Variants in PDIA4 observed in about 807,000 individuals in gnomAD.
The protein encoded by PDIA4 is protein disulfide isomerase family A member 4, also known as protein disulfide-isomerase A4.
A neutral mutation model predicts 62.1 loss-of-function variants in PDIA4; 33 were observed. The ratio of observed to expected loss-of-function variants is 0.53; its 90% CI spans 0.40 to 0.71. The LOEUF (loss-of-function observed/expected upper bound fraction) is 0.71, where lower values mean the gene tolerates loss of function less well. Among genes scored for constraint, PDIA4 ranks in the 30% least tolerant of loss-of-function variants. The probability of loss-of-function intolerance (pLI) is 0.00; values close to 1 mark genes in which losing one functional copy is unlikely to be tolerated. For missense variants in PDIA4, 804 were observed against 813.6 expected (o/e 0.99, Z 0.14); for synonymous variants, 341 against 324.1 (o/e 1.05, Z -0.56).
intron 6 of PDIA4, among the ~76,000 whole-genome samples, chr7:149,011,253 G>C (rs938213277): frequency 2.6e-5 from 4 of 152,284 alleles, no homozygotes; most frequent in Middle Eastern, 3.4e-3. Context: ...TCAGGAGCCA[G>C]ACCAAGGCAG....
At chr7:149,008,711 A>G (rs1384524604) in intron 6 of PDIA4, among the ~76,000 whole-genome samples, 1 of 137,830 alleles carries the variant, frequency 7.3e-6, no homozygotes, top group African/African-American at 3.4e-5. Flanking sequence ...ACTGTCTTTA[A>G]AAAGAAAAAA....
chr7:149,007,702 C>T (rs575026529), intron 7 of PDIA4, among the ~76,000 whole-genome samples: 13 of 152,364 alleles, frequency 8.5e-5, no homozygotes, highest in African/African-American at 2.9e-4. Flanking sequence ...AATCCACCCA[C>T]CAAGGTCAAC....
intron 1 of PDIA4, chr7:149,027,832 T>C (rs1046685658): frequency 1.5e-5 from 7 of 471,840 alleles, no homozygotes; most frequent in African/African-American, 1.0e-4. Flanking sequence ...GGATTAATCA[T>C]TTCCAAATCT....
At chr7:149,010,847 A>AT (rs1225374847) in intron 6 of PDIA4, among the ~76,000 whole-genome samples, 8 of 152,206 alleles carry the variant, frequency 5.3e-5, no homozygotes, top group East Asian at 1.9e-4. Flanking sequence ...TGGAACCTGC[A>AT]TTTTAACAAA....
chr7:149,027,338 T>C (rs1262512065), intron 1 of PDIA4, among the ~76,000 whole-genome samples: 2 of 152,214 alleles, frequency 1.3e-5, no homozygotes, highest in South Asian at 2.1e-4. Context: ...CCTTTTCTAT[T>C]TGGGCAAAGA....
intron 7 of PDIA4, 121 bp downstream of exon 7, chr7:149,008,038 G>A: frequency 3.3e-6 from 3 of 913,954 alleles, no homozygotes; most frequent in Non-Finnish European, 3.2e-6. Context: ...GCTGGAAAAG[G>A]AGTTCCAGAC....
chr7:149,004,173 G>A lies in PDIA4; in HGVS notation c.1559C>T (p.Pro520Leu). Reference sequence around the variant, plus strand: ...CTTGACGGGTCCCTTGTTGTTCTTGGGCACTGGCTGGGATTTGATGACTGG... The same window carrying A: ...CTTGACGGGTCCCTTGTTGTTCTTGAGCACTGGCTGGGATTTGATGACTGG... ...LKPVIKSQPV[P>L]KNNKGPVKVV... The change falls in exon 10 of 10, where the codon CCC becomes CTC. Residue 520 changes from proline (P) to leucine (L), a missense_variant. Coordinates refer to ENST00000652332, the MANE Select transcript of PDIA4 (RefSeq NM_004911.5). The A allele has an allele frequency of 6.2e-7, 1 of 1,613,710 alleles. No homozygotes were observed.
At position 149,005,270 on chromosome 7, in the gene PDIA4, G is replaced by C; in HGVS notation, c.1393C>G (p.Leu465Val). ...TCCTCCCCACTCTCGCTGAGCCCCA[G>C]GTCCTTCACCTCCCCAGCATAGTCC... ...EEDYAGEVKD[L>V]GLSESGEDVN... The change falls in exon 9 of 10, where the codon CTG becomes GTG. Residue 465 changes from leucine (L) to valine (V), a missense_variant. By Grantham distance (32) the Leu-to-Val change is conservative. Coordinates refer to ENST00000652332, the MANE Select transcript of PDIA4 (RefSeq NM_004911.5). 1 of 1,614,100 alleles carries C rather than the reference G, an allele frequency of 6.2e-7. No individual in the cohort carries two copies. The highest frequency in any genetic ancestry group is 8.5e-7 in the Non-Finnish European group (1 of 1,179,962).
chr7:149,021,435 G>A (rs1824351772), intron 1 of PDIA4, among the ~76,000 whole-genome samples: 1 of 141,534 alleles, frequency 7.1e-6, no homozygotes, highest in African/African-American at 2.7e-5. Flanking sequence ...GTTACAGTGA[G>A]CCGAGATCGC....
intron 1 of PDIA4, among the ~76,000 whole-genome samples, chr7:149,022,859 T>C (rs1286587162): frequency 6.6e-6 from 1 of 152,138 alleles, no homozygotes; most frequent in African/African-American, 2.4e-5. Flanking sequence ...ATCTGCAAAC[T>C]TTACAAAAAA....
chr7:149,019,129 G>A lies in PDIA4; in HGVS notation c.338C>T (p.Pro113Leu). Residue 113 changes from proline to leucine, a missense_variant, in exon 3 of 10, where the codon CCT becomes CTT. Pro to Leu is a moderately conservative substitution (Grantham distance 98). Transcript: ENST00000652332. ...KIANILKDKD[P>L]PIPVAKIDAT... ...ATCGATCTTGGCAACAGGAATGGGA[G>A]GATCTTTATCCTTTAATATGTTGGC... 6.2e-7 allele frequency: 1 copy of A among 1,613,822 alleles called. No homozygotes were observed. Among genetic ancestry groups the A allele is most frequent in the Non-Finnish European group, 8.5e-7 (1 of 1,179,874 alleles).
At chr7:149,010,890 G>A (rs974823300) in intron 6 of PDIA4, among the ~76,000 whole-genome samples, 55 of 152,196 alleles carry the variant, frequency 3.6e-4, no homozygotes, top group Admixed American at 1.3e-4. Flanking sequence ...ATCAATGCAC[G>A]TAACTTGCAG....
intron 6 of PDIA4, among the ~76,000 whole-genome samples, chr7:149,009,646 GAGA>G (rs1169287441): frequency 2.0e-5 from 3 of 152,210 alleles, no homozygotes. Context: ...CAAACTTTCT[GAGA>G]AGGACTAGAG....
In PDIA4 at chr7:149,004,107, G is replaced by C; in HGVS notation, c.1625C>G (p.Pro542Arg). ...GAACTCGATGAGGACGTCCTTCTTG[G>C]GGTCCATCACAATGGAGTCAAAGGT... ...GKTFDSIVMDPKKDVLIEFYA... is the reference protein window; with the variant it reads ...GKTFDSIVMDRKKDVLIEFYA... Residue 542 changes from proline to arginine, a missense_variant, in exon 10 of 10, where the codon CCC (proline) becomes CGC (arginine). Coordinates refer to ENST00000652332, the MANE Select transcript of PDIA4 (RefSeq NM_004911.5). 1 of 1,614,054 alleles carries C rather than the reference G, an allele frequency of 6.2e-7. No individual in the cohort carries two copies. Among genetic ancestry groups the C allele is most frequent in the Non-Finnish European group, 8.5e-7 (1 of 1,180,004 alleles).
intron 1 of PDIA4, among the ~76,000 whole-genome samples, chr7:149,022,404 AT>A (rs1039444353): frequency 6.7e-6 from 1 of 149,782 alleles, no homozygotes; most frequent in African/African-American, 2.5e-5. Context: ...ATTTTATTTT[AT>A]TTTTTTTGCC....
intron 7 of PDIA4, among the ~76,000 whole-genome samples, chr7:149,007,305 G>A (rs1055365242): frequency 6.6e-6 from 1 of 152,146 alleles, no homozygotes; most frequent in Non-Finnish European, 1.5e-5. Context: ...TTCCTGTCCT[G>A]TCACACCCCC....
chr7:149,024,457 T>C (rs1479654001), intron 1 of PDIA4, among the ~76,000 whole-genome samples: 2 of 152,038 alleles, frequency 1.3e-5, no homozygotes, highest in African/African-American at 4.8e-5. Context: ...ACAGTCCACA[T>C]TTTAGTGGGG....
chr7:149,017,202 C>T (rs1824167218), intron 3 of PDIA4, among the ~76,000 whole-genome samples: 1 of 151,896 alleles, frequency 6.6e-6, no homozygotes, highest in Admixed American at 6.6e-5. Flanking sequence ...AATGCAGCCG[C>T]ATCTTTTTTT....
At chr7:149,006,730 G>A (rs1823770399) in intron 7 of PDIA4, among the ~76,000 whole-genome samples, 2 of 152,200 alleles carry the variant, frequency 1.3e-5, no homozygotes, top group African/African-American at 2.4e-5. Flanking sequence ...ACTGGAGGGT[G>A]GGATGTGCTG....
Sources: gnomAD v4.1 joint callset for allele counts (sites outside exome capture counted in the v4.1 genomes callset) on GRCh38, gnomAD v4.1.1 for gene constraint, MANE v1.5 for transcripts, NCBI Gene and HGNC (gene_info 2026-07-23, HGNC 2026-07-21) for gene names.